Variants in BANK1 observed in about 807,000 individuals in gnomAD.
BANK1 encodes B cell scaffold protein with ankyrin repeats 1.
A neutral mutation model predicts 94.5 loss-of-function variants in BANK1; 95 were observed. That is an observed-to-expected ratio of 1.00 (90% CI 0.85 to 1.19). The LOEUF (loss-of-function observed/expected upper bound fraction) is 1.19. BANK1 is among the 50% of genes most tolerant of loss of function. The pLI is 0.00. For missense variants in BANK1, 987 were observed against 932.2 expected (o/e 1.06, Z -0.77); for synonymous variants, 334 against 308.4 (o/e 1.08, Z -0.87).
Position 101,886,228 on chromosome 4 carries a change from C to G in BANK1, c.904-9077C>G, listed in dbSNP as rs767092968. ...AAATTTTATACATTAAGTTTCCCAC[C>G]CAGTTTCAAGTGATCCACTTATTAG... On this transcript the variant is annotated intron_variant, in intron 5 of 16. Coordinates refer to ENST00000322953, the MANE Select transcript of BANK1 (RefSeq NM_017935.5). Among the ~76,000 whole-genome samples, 7 of 152,116 alleles carry G rather than the reference C, an allele frequency of 4.6e-5. No homozygotes were observed. In the South Asian group the frequency reaches 6.2e-4, roughly 14 times the overall value.
At chr4:101,958,396 C>A (rs542708790) in intron 7 of BANK1, among the ~76,000 whole-genome samples, 1 of 149,418 alleles carries the variant, frequency 6.7e-6, no homozygotes, top group East Asian at 2.0e-4. Context: ...AAAACCCATG[C>A]CCTTTTTACT....
At chr4:101,874,749 T>C (rs1289343248) in intron 5 of BANK1, among the ~76,000 whole-genome samples, 1 of 152,194 alleles carries the variant, frequency 6.6e-6, no homozygotes, top group South Asian at 2.1e-4. Flanking sequence ...TTTTAGAGCA[T>C]ATTATGCTCT....
At chr4:101,899,830 T>G (rs747322358) in intron 6 of BANK1, among the ~76,000 whole-genome samples, 1 of 152,160 alleles carries the variant, frequency 6.6e-6, no homozygotes, top group South Asian at 2.1e-4. Context: ...ACAAGGAGCA[T>G]AGATAGAGAA....
chr4:101,961,899 A>G (rs190661988), intron 7 of BANK1, among the ~76,000 whole-genome samples: 109 of 152,308 alleles, frequency 7.2e-4, no homozygotes, highest in Non-Finnish European at 1.4e-3. Context: ...TACTGAACAC[A>G]TTAGAAAATG....
At chr4:101,977,504 T>C (rs1725176402) in intron 7 of BANK1, among the ~76,000 whole-genome samples, 1 of 152,202 alleles carries the variant, frequency 6.6e-6, no homozygotes, top group Admixed American at 6.6e-5. Flanking sequence ...ACTGTGTTGT[T>C]ATTTATTAAA....
At chr4:101,933,445 G>T (rs888295628) in intron 7 of BANK1, among the ~76,000 whole-genome samples, 9 of 151,436 alleles carry the variant, frequency 5.9e-5, no homozygotes, top group Admixed American at 5.3e-4. Flanking sequence ...GGCACCTTCT[G>T]CCCATTACAC....
chr4:101,923,805 T>A (rs993247832), intron 7 of BANK1, among the ~76,000 whole-genome samples: 1 of 151,806 alleles, frequency 6.6e-6, no homozygotes, highest in Non-Finnish European at 1.5e-5. Flanking sequence ...TGTTATTGAC[T>A]TTTTTTCATA....
intron 6 of BANK1, among the ~76,000 whole-genome samples, chr4:101,915,871 T>C (rs923993497): frequency 1.3e-5 from 2 of 152,082 alleles, no homozygotes; most frequent in African/African-American, 4.8e-5. Context: ...TTTGACAGGA[T>C]TGGAAGAGTA....
intron 7 of BANK1, among the ~76,000 whole-genome samples, chr4:101,919,614 C>T (rs895380266): frequency 6.6e-6 from 1 of 152,016 alleles, no homozygotes; most frequent in African/African-American, 2.4e-5. Context: ...ATCACTTTTT[C>T]GTAGTCGCTG....
chr4:102,041,184 A>G (rs1045915916), intron 10 of BANK1, among the ~76,000 whole-genome samples: 3 of 152,070 alleles, frequency 2.0e-5, no homozygotes, highest in African/African-American at 7.2e-5. Flanking sequence ...GTGGCTGAAC[A>G]TAGTAAATAT....
At chr4:101,911,338 A>G (rs1357173258) in intron 6 of BANK1, among the ~76,000 whole-genome samples, 6 of 152,254 alleles carry the variant, frequency 3.9e-5, no homozygotes, top group Admixed American at 3.9e-4. Context: ...CTGCCTAATT[A>G]TATAAATTAC....
At chr4:102,021,138 T>G (rs1254193700) in intron 7 of BANK1, among the ~76,000 whole-genome samples, 2 of 115,512 alleles carry the variant, frequency 1.7e-5, no homozygotes, top group African/African-American at 3.4e-5. Flanking sequence ...TAAGAATATC[T>G]TTTGAACTGT....
intron 7 of BANK1, among the ~76,000 whole-genome samples, chr4:101,977,507 T>A (rs1414251435): frequency 6.6e-6 from 1 of 152,188 alleles, no homozygotes; most frequent in Admixed American, 6.6e-5. Context: ...GTGTTGTTAT[T>A]TATTAAATCA....
In BANK1 at chr4:101,790,913, G is replaced by A. The variant is rs1403910446; in HGVS notation, c.33G>A (p.Gly11=). The part of the protein sequence containing the change: MLPAAPGKGL[G]SPDPAPCGPA... ...CAGCAGCGCCAGGCAAGGGGCTTGG[G>A]AGCCCGGACCCCGCCCCCTGCGGCC... The change falls in exon 1 of 17, where the codon GGG becomes GGA. Residue 11 remains glycine (G), a synonymous_variant. Transcript: ENST00000322953. 3 of 1,538,218 alleles carry A rather than the reference G, an allele frequency of 2.0e-6. No homozygotes were observed. The highest frequency in any genetic ancestry group is 2.6e-6 in the Non-Finnish European group (3 of 1,147,050).
intron 7 of BANK1, among the ~76,000 whole-genome samples, chr4:101,946,272 G>T (rs930874848): frequency 3.3e-5 from 5 of 152,004 alleles, no homozygotes; most frequent in African/African-American, 4.8e-5. Flanking sequence ...TACAGGAATA[G>T]TGACCAAGCC....
chr4:101,881,755 C>T (rs1254523495), intron 5 of BANK1, among the ~76,000 whole-genome samples: 1 of 152,100 alleles, frequency 6.6e-6, no homozygotes, highest in East Asian at 1.9e-4. Context: ...ATGAGATCCT[C>T]TCATTTGCAA....
chr4:101,902,118 T>A (rs1722309299), intron 6 of BANK1, among the ~76,000 whole-genome samples: 1 of 152,184 alleles, frequency 6.6e-6, no homozygotes, highest in Non-Finnish European at 1.5e-5. Flanking sequence ...CTGACTTGTG[T>A]CATCTTGGAA....
chr4:101,823,921 T>A (rs955633845), intron 1 of BANK1, among the ~76,000 whole-genome samples: 1 of 152,214 alleles, frequency 6.6e-6, no homozygotes, highest in Non-Finnish European at 1.5e-5. Context: ...AGAAGATTTG[T>A]AAAAATGGAC....
chr4:101,999,741 A>G (rs1033532188), intron 7 of BANK1, among the ~76,000 whole-genome samples: 2 of 152,230 alleles, frequency 1.3e-5, no homozygotes, highest in Admixed American at 6.5e-5. Context: ...AATGTAAAAG[A>G]AAGGAAATAG....
Sources: allele counts gnomAD v4.1 joint callset (sites outside exome capture counted in the v4.1 genomes callset), GRCh38; gene constraint gnomAD v4.1.1; transcripts MANE v1.5; gene names NCBI Gene and HGNC (gene_info 2026-07-23, HGNC 2026-07-21).